OTUD7A: variants seen among roughly 807,000 people sequenced by gnomAD.
OTUD7A encodes the protein OTU deubiquitinase 7A, also known as OTU domain-containing protein 7A.
Under a neutral mutation model 65.7 loss-of-function variants are expected in OTUD7A, and 12 were observed. The observed-to-expected ratio is 0.18, with a 90% CI of 0.12 to 0.30. The LOEUF (loss-of-function observed/expected upper bound fraction) is 0.30. OTUD7A is among the 10% of genes least tolerant of loss of function. OTUD7A has a pLI of 1.00. For synonymous variants in OTUD7A, 641 were observed against 586.3 expected, an observed-to-expected ratio of 1.09 and a Z score of -1.35; for missense variants, 1,148 against 1,304.8, an observed-to-expected ratio of 0.88 and a Z score of 1.85.
intron 3 of OTUD7A, among the ~76,000 whole-genome samples, chr15:31,605,512 G>A (rs1212974594): frequency 6.6e-6 from 1 of 152,162 alleles, no homozygotes; most frequent in Non-Finnish European, 1.5e-5. Flanking sequence ...ATCCTAACTG[G>A]GTAGGGCAAG....
intron 3 of OTUD7A, among the ~76,000 whole-genome samples, chr15:31,600,546 C>T (rs1890043034): frequency 6.6e-6 from 1 of 152,176 alleles, no homozygotes; most frequent in Admixed American, 6.5e-5. Context: ...GAAGAAACTG[C>T]AGCAACCAAC....
intron 3 of OTUD7A, among the ~76,000 whole-genome samples, chr15:31,573,095 TTAAAGA>T (rs1889100866): frequency 6.6e-6 from 1 of 152,150 alleles, no homozygotes; most frequent in African/African-American, 2.4e-5. Flanking sequence ...TTATCCTCTT[TTAAAGA>T]TAAAGAGAAT....
intron 1 of OTUD7A, among the ~76,000 whole-genome samples, chr15:31,685,324 C>T (rs562442315): frequency 1.3e-4 from 20 of 152,150 alleles, no homozygotes; most frequent in African/African-American, 4.3e-4. Flanking sequence ...ATCTTATTTC[C>T]GCATTTGTTT....
intron 1 of OTUD7A, among the ~76,000 whole-genome samples, chr15:31,664,266 T>C (rs1217531124): frequency 7.2e-6 from 1 of 138,862 alleles, no homozygotes; most frequent in Non-Finnish European, 1.5e-5. Flanking sequence ...CCATAGTGGC[T>C]GCACTAGTTT....
chr15:31,842,955 G>A (rs377703122), intron 1 of OTUD7A, among the ~76,000 whole-genome samples: 1 of 152,196 alleles, frequency 6.6e-6, no homozygotes, highest in East Asian at 1.9e-4. Flanking sequence ...TGAGGGAATG[G>A]ACGAGAAACT....
chr15:31,540,120 T>G (rs1887940868), intron 5 of OTUD7A, among the ~76,000 whole-genome samples: 1 of 152,240 alleles, frequency 6.6e-6, no homozygotes, highest in Non-Finnish European at 1.5e-5. Context: ...TTAGTTTGGT[T>G]ATAATTTTCA....
intron 8 of OTUD7A, among the ~76,000 whole-genome samples, chr15:31,524,289 G>A (rs1305961688): frequency 1.3e-5 from 2 of 152,196 alleles, no homozygotes; most frequent in Middle Eastern, 3.2e-3. Flanking sequence ...ACAGACTGCT[G>A]TATTTGAGGG....
intron 1 of OTUD7A, among the ~76,000 whole-genome samples, chr15:31,860,677 G>GTATATATATATATATATATATATATATA (rs1555425282): frequency 9.1e-4 from 67 of 73,254 alleles, no homozygotes; most frequent in African/African-American, 2.9e-3. Context: ...ATGTATGTGT[G>GTATATATATATATATATATATATATATA]TATATATATA....
intron 3 of OTUD7A, among the ~76,000 whole-genome samples, chr15:31,595,066 A>T (rs1464820452): frequency 6.6e-6 from 1 of 152,218 alleles, no homozygotes; most frequent in Admixed American, 6.5e-5. Flanking sequence ...ACATCTGAAG[A>T]AATGAGGAAG....
In OTUD7A at chr15:31,769,437, A is replaced by G. The variant is rs537920000; in HGVS notation, c.-100+101070T>C. Among the ~76,000 whole-genome samples, 280 of 152,360 alleles carry G rather than the reference A, an allele frequency of 1.8e-3. 1 individual carries two copies. Among genetic ancestry groups the G allele is most frequent in the African/African-American group, 6.3e-3 (263 of 41,584 alleles). ...AATAAAATTAAACATATACTTACGC[A>G]TGACACAGCAATCTCATTCATAGAT... On this transcript the variant is annotated intron_variant, in intron 1 of 12. Transcript: ENST00000307050.
chr15:31,666,762 G>A (rs4779547), intron 1 of OTUD7A, among the ~76,000 whole-genome samples: 46,485 of 151,876 alleles, frequency 0.31, 8,328 homozygotes, highest in African/African-American at 0.49. Flanking sequence ...TTTGATAGGT[G>A]TTTAGGGCTA....
intron 1 of OTUD7A, among the ~76,000 whole-genome samples, chr15:31,782,345 A>G (rs1374611895): frequency 6.6e-6 from 1 of 152,250 alleles, no homozygotes; most frequent in African/African-American, 2.4e-5. Context: ...GAGCATAACC[A>G]GTCCTGGAAA....
chr15:31,762,807 G>A (rs573815499), intron 1 of OTUD7A, among the ~76,000 whole-genome samples: 5 of 152,248 alleles, frequency 3.3e-5, no homozygotes, highest in East Asian at 1.9e-4. Flanking sequence ...GTCTGATAAC[G>A]TAATATTCCA....
intron 3 of OTUD7A, among the ~76,000 whole-genome samples, chr15:31,614,131 G>A (rs1201462885): frequency 6.6e-6 from 1 of 152,074 alleles, no homozygotes; most frequent in African/African-American, 2.4e-5. Context: ...ATGATACAAT[G>A]GACTTGTGGA....
chr15:31,785,052 C>T (rs972015170), intron 1 of OTUD7A, among the ~76,000 whole-genome samples: 2 of 152,132 alleles, frequency 1.3e-5, no homozygotes, highest in Non-Finnish European at 2.9e-5. Flanking sequence ...GCATGTAAAT[C>T]CTGCAAGTAC....
intron 1 of OTUD7A, among the ~76,000 whole-genome samples, chr15:31,846,510 C>T (rs1013090142): frequency 2.6e-5 from 4 of 152,070 alleles, no homozygotes; most frequent in African/African-American, 4.8e-5. Context: ...GGAATAAGAA[C>T]GGGCAGGAAC....
chr15:31,726,722 T>A (rs1341224560), intron 1 of OTUD7A, among the ~76,000 whole-genome samples: 1 of 152,210 alleles, frequency 6.6e-6, no homozygotes, highest in Non-Finnish European at 1.5e-5. Context: ...ATGGCTGCAA[T>A]GATCCACTGT....
At chr15:31,737,366 T>G (rs931460330) in intron 1 of OTUD7A, among the ~76,000 whole-genome samples, 4 of 151,600 alleles carry the variant, frequency 2.6e-5, no homozygotes, top group Admixed American at 2.6e-4. Context: ...TTTACAGAAA[T>G]GGAATCAAGA....
intron 3 of OTUD7A, among the ~76,000 whole-genome samples, chr15:31,610,613 A>T (rs1349250701): frequency 0.026 from 830 of 31,364 alleles, 12 homozygotes; most frequent in African/African-American, 0.034. Flanking sequence ...ATATATATAT[A>T]TATATTTTTT....
Sources: gnomAD v4.1 joint callset for allele counts (sites outside exome capture counted in the v4.1 genomes callset) on GRCh38, gnomAD v4.1.1 for gene constraint, MANE v1.5 for transcripts, NCBI Gene and HGNC (gene_info 2026-07-23, HGNC 2026-07-21) for gene names.